The following NDRG4 variants were observed in gnomAD, a reference collection of about 807,000 sequenced individuals.
The protein encoded by NDRG4 is protein NDRG4.
A neutral mutation model predicts 55.8 loss-of-function variants in NDRG4; 38 were observed. The ratio of observed to expected loss-of-function variants is 0.68; its 90% CI spans 0.53 to 0.89. The LOEUF (loss-of-function observed/expected upper bound fraction) is 0.89. Ranked by LOEUF, NDRG4 falls within the 40% of genes least tolerant of loss-of-function variation. The pLI, the probability that NDRG4 is intolerant of heterozygous loss-of-function variation, is 0.00. For missense variants in NDRG4, 455 were observed against 468.6 expected, an observed-to-expected ratio of 0.97 and a Z score of 0.27; for synonymous variants, 190 against 182.7, an observed-to-expected ratio of 1.04 and a Z score of -0.32.
In NDRG4 at chr16:58,478,115, G is replaced by A. The variant is rs561536518; in HGVS notation, c.-23-9641G>A. Among the ~76,000 whole-genome samples the A allele has an allele frequency of 1.1e-4, 16 of 152,340 alleles. No individual in the cohort carries two copies. The South Asian group carries it at 3.3e-3, about 32-fold the overall frequency. Reference sequence around the variant, plus strand: ...CTTCAAAAGTGTCAAGGTTGGCCGGGTGTGGTGGCTCACGCCTGTAATCCC... The same window carrying A: ...CTTCAAAAGTGTCAAGGTTGGCCGGATGTGGTGGCTCACGCCTGTAATCCC... On this transcript the variant is annotated intron_variant, in intron 1 of 15. Coordinates refer to the NDRG4 transcript ENST00000258187.
chr16:58,486,154 A>AG (rs2035055602), intron 1 of NDRG4, among the ~76,000 whole-genome samples: 1 of 152,154 alleles, frequency 6.6e-6, no homozygotes, highest in Non-Finnish European at 1.5e-5. Flanking sequence ...AAAAAAAGAA[A>AG]GAGCTATCCA....
intron 2 of NDRG4, among the ~76,000 whole-genome samples, chr16:58,494,165 C>CA (rs1377377524): frequency 1.3e-5 from 2 of 152,240 alleles, no homozygotes; most frequent in Non-Finnish European, 2.9e-5. Flanking sequence ...TGTGGTCCCG[C>CA]CCTCGTGGTG....
intron 1 of NDRG4, among the ~76,000 whole-genome samples, chr16:58,481,028 T>C (rs1362561382): frequency 6.8e-6 from 1 of 147,716 alleles, no homozygotes; most frequent in Non-Finnish European, 1.5e-5. Flanking sequence ...AAAAAAAAGA[T>C]GATAGAGTCC....
intron 1 of NDRG4, chr16:58,487,666 C>T (rs1229512545): frequency 4.7e-6 from 5 of 1,074,420 alleles, no homozygotes; most frequent in Non-Finnish European, 6.6e-6. Context: ...ATCTGGTTTC[C>T]GCGCTCCCGC....
chr16:58,506,497 G>T, intron 6 of NDRG4, 24 bp downstream of exon 6: 3 of 1,607,518 alleles, frequency 1.9e-6, no homozygotes, highest in Non-Finnish European at 2.5e-6. Context: ...CCGGGGGTGG[G>T]GTGGGTATAC....
At position 58,464,943 on chromosome 16, in the gene NDRG4, G is replaced by T. The variant is rs549323541; in HGVS notation, c.-24+1146G>T. ...AAGTGGCCTGGGAAGTGGGAAGCCA[G>T]ATTGGACCCTACTGACTGGGGACCC... is the stretch of plus-strand genomic sequence containing the variant. On this transcript the variant is annotated intron_variant, in intron 1 of 15. Transcript: ENST00000258187. The surrounding 1 kb of genome is among the most constrained non-coding windows in gnomAD (Gnocchi z 4.8). 67 of 1,182,302 alleles carry T rather than the reference G, an allele frequency of 5.7e-5. 1 individual carries two copies. Among genetic ancestry groups the T allele is most frequent in the Non-Finnish European group, 7.1e-5 (67 of 938,200 alleles). The allele number at this position is 1,182,302 out of a possible 1,614,324, so 73.2% of individuals were successfully genotyped here.
At position 58,464,490 on chromosome 16, in the gene NDRG4, C is replaced by T; in HGVS notation, c.-24+693C>T. On this transcript the variant is annotated intron_variant, in intron 1 of 15. Transcript: ENST00000258187. The surrounding 1 kb of genome is among the most constrained non-coding windows in gnomAD (Gnocchi z 4.8). ...CAGGTACCGCCCGCCTGCCCCGCAG[C>T]CGGCCGCCACTTTCCGAGTTGGAGC... 1.5e-6 allele frequency: 2 copies of T among 1,308,900 alleles called. No homozygotes were observed. The highest frequency in any genetic ancestry group is 4.4e-5 in the South Asian group (2 of 44,954). The allele number at this position is 1,308,900 out of a possible 1,614,324, so 81.1% of individuals were successfully genotyped here. A position where few individuals can be genotyped will look rare whatever the true frequency, so the allele number is the denominator to read the frequency against.
At chr16:58,489,227 C>T (rs555309664) in intron 2 of NDRG4, among the ~76,000 whole-genome samples, 3 of 152,084 alleles carry the variant, frequency 2.0e-5, no homozygotes, top group Admixed American at 6.6e-5. Flanking sequence ...GGAGGTTCAA[C>T]CCCAAGACTG....
In NDRG4 at chr16:58,504,582, G is replaced by A. The variant is rs758846586; in HGVS notation, c.312-7G>A. Reference sequence around the variant, plus strand: ...AGCCCTAGAGTGACCAGCCTGCTCTGCACCAGGTTCAAGTATGTGATTGGC... The same window carrying A: ...AGCCCTAGAGTGACCAGCCTGCTCTACACCAGGTTCAAGTATGTGATTGGC... On this transcript the variant is annotated splice_region_variant and splice_polypyrimidine_tract_variant and intron_variant, in intron 4 of 14. Transcript: ENST00000570248. 3.7e-6 allele frequency: 6 copies of A among 1,614,214 alleles called. No individual in the cohort carries two copies. Among genetic ancestry groups the A allele is most frequent in the East Asian group, 2.2e-5 (1 of 44,888 alleles).
chr16:58,488,656 C>G (rs570506777), intron 2 of NDRG4, among the ~76,000 whole-genome samples: 1 of 152,174 alleles, frequency 6.6e-6, no homozygotes, highest in Non-Finnish European at 1.5e-5. Flanking sequence ...GCCTCCCCAG[C>G]CTCCCATCAC....
chr16:58,505,022 A>G (rs56053451), intron 5 of NDRG4, among the ~76,000 whole-genome samples: 1,645 of 152,204 alleles, frequency 0.011, 30 homozygotes, highest in African/African-American at 0.038. Flanking sequence ...TTTTAGCAAA[A>G]AATTTTATTA....
rs1375192762 is a variant in NDRG4, at chr16:58,487,745, T to G, written c.-23-11T>G. 28 of 1,521,548 alleles carry G rather than the reference T, an allele frequency of 1.8e-5. No individual in the cohort carries two copies. In the East Asian group the frequency reaches 6.0e-4, roughly 33 times the overall value. The allele number at this position is 1,521,548 out of a possible 1,614,324, so 94.3% of individuals were successfully genotyped here. A position where few individuals can be genotyped will look rare whatever the true frequency, so the allele number is the denominator to read the frequency against. On this transcript the variant is annotated splice_polypyrimidine_tract_variant and intron_variant, in intron 1 of 15. Coordinates refer to the NDRG4 transcript ENST00000258187. ...GCCGCAGCAGGCCTCAACCTCGCCC[T>G]CCCTCCCTAGGCCTCCTGCTCCACG...
chr16:58,487,936 C>T (rs1792285528), intron 2 of NDRG4: 4 of 1,076,886 alleles, frequency 3.7e-6, no homozygotes, highest in African/African-American at 3.2e-5. Context: ...TTCCTGCAGC[C>T]GACCCTCCCT....
chr16:58,485,090 G>C (rs1452324536), intron 1 of NDRG4, among the ~76,000 whole-genome samples: 1 of 152,024 alleles, frequency 6.6e-6, no homozygotes, highest in Non-Finnish European at 1.5e-5. Flanking sequence ...CACCAGGTTA[G>C]CCAGACTGGT....
At chr16:58,503,741 C>T in intron 1 of NDRG4, 57 bp from the exon 2 acceptor site, 3 of 1,608,868 alleles carry the variant, frequency 1.9e-6, no homozygotes, top group Non-Finnish European at 2.5e-6. Context: ...CCTCATTCCC[C>T]AGAGGAGCCA....
At chr16:58,506,278 C>G in intron 5 of NDRG4, 109 bp from the exon 6 acceptor site, 1 of 1,062,058 alleles carries the variant, frequency 9.4e-7, no homozygotes, top group South Asian at 1.3e-5. Context: ...TGCACAGACC[C>G]GGCTGTAGCC....
chr16:58,474,766 C>T (rs79083352), intron 1 of NDRG4, among the ~76,000 whole-genome samples: 1,657 of 152,274 alleles, frequency 0.011, 31 homozygotes, highest in African/African-American at 0.038. Context: ...CTGGGCCACT[C>T]CTGGGGTATG....
rs1021514850 is a variant in NDRG4, at chr16:58,512,762, T to C, written c.*1186T>C. 1 of 152,674 alleles carries C rather than the reference T, an allele frequency of 6.5e-6. No individual in the cohort carries two copies. The highest frequency in any genetic ancestry group is 1.5e-5 in the Non-Finnish European group (1 of 68,240). 9.5% of individuals were successfully genotyped at this position (152,674 alleles called of 1,614,324 possible). A position where few individuals can be genotyped will look rare whatever the true frequency, so the allele number is the denominator to read the frequency against. On this transcript the variant is annotated 3_prime_UTR_variant, in exon 15 of 15. Transcript: ENST00000570248. ...AAGCCCAGGACTGCGTTGTATGCTT[T>C]CCATCCACTCACCTTACCCCATAGC...
chr16:58,514,061 C>T (rs1426074467), downstream of NDRG4, among the ~76,000 whole-genome samples: 3 of 152,230 alleles, frequency 2.0e-5, no homozygotes, highest in Admixed American at 2.0e-4. Flanking sequence ...TCACTACATT[C>T]CTTCAAAGAT....
Sources: gnomAD v4.1 joint callset for allele counts (sites outside exome capture counted in the v4.1 genomes callset) on GRCh38, gnomAD v4.1.1 for gene constraint, Gnocchi (gnomAD v3.1) non-coding constraint, MANE v1.5 for transcripts, NCBI Gene and HGNC (gene_info 2026-07-23, HGNC 2026-07-21) for gene names.